The following NRG3 variants were observed in gnomAD, a reference collection of about 807,000 sequenced individuals.
The protein encoded by NRG3 is pro-neuregulin-3, membrane-bound isoform.
NRG3 carries 31 observed loss-of-function variants against 66.9 expected under a neutral mutation model. That is an observed-to-expected ratio of 0.46 (90% CI 0.35 to 0.63). The LOEUF (loss-of-function observed/expected upper bound fraction) is 0.63, where lower values mean the gene tolerates loss of function less well. NRG3 is among the 20% of genes least tolerant of loss of function. The probability of loss-of-function intolerance (pLI) is 0.00; values close to 1 mark genes in which losing one functional copy is unlikely to be tolerated. For synonymous variants in NRG3, 393 were observed against 359.4 expected, an observed-to-expected ratio of 1.09 and a Z score of -1.06; for missense variants, 910 against 878.9, an observed-to-expected ratio of 1.04 and a Z score of -0.45.
At chr10:82,930,834 C>T (rs1007589602) in intron 4 of NRG3, among the ~76,000 whole-genome samples, 3 of 152,152 alleles carry the variant, frequency 2.0e-5, no homozygotes, top group African/African-American at 7.2e-5. Context: ...CTATGGGACT[C>T]GTGGTGGGTG....
intron 4 of NRG3, among the ~76,000 whole-genome samples, chr10:82,947,556 C>T (rs113779723): frequency 1.9e-3 from 290 of 152,198 alleles, no homozygotes; most frequent in African/African-American, 6.8e-3. Flanking sequence ...ATCAGAAGTA[C>T]ATGAGAGTTC....
At chr10:81,958,579 C>G (rs1241341810) in intron 1 of NRG3, among the ~76,000 whole-genome samples, 1 of 152,162 alleles carries the variant, frequency 6.6e-6, no homozygotes, top group South Asian at 2.1e-4. Flanking sequence ...TACTCATATG[C>G]GTAAAGTACA....
chr10:82,832,464 C>A (rs1284418675), intron 3 of NRG3, among the ~76,000 whole-genome samples: 1 of 152,084 alleles, frequency 6.6e-6, no homozygotes, highest in Non-Finnish European at 1.5e-5. Context: ...ATTGGCATAA[C>A]CTTTCAGAAA....
chr10:82,564,950 T>A (rs2045300212), intron 2 of NRG3, among the ~76,000 whole-genome samples: 1 of 152,092 alleles, frequency 6.6e-6, no homozygotes. Flanking sequence ...TGCCAGATTC[T>A]GTATAATACC....
chr10:82,272,689 T>C (rs1010426430), intron 1 of NRG3, among the ~76,000 whole-genome samples: 3 of 152,090 alleles, frequency 2.0e-5, no homozygotes, highest in Non-Finnish European at 4.4e-5. Context: ...GACATATTCA[T>C]GTCATCCTGT....
chr10:82,859,181 T>A (rs1041507629), intron 3 of NRG3: 1 of 152,284 alleles, frequency 6.6e-6, no homozygotes, highest in Non-Finnish European at 1.5e-5. Flanking sequence ...TTTCCTGACC[T>A]CGTGATCCGC....
intron 2 of NRG3, among the ~76,000 whole-genome samples, chr10:82,394,979 C>T (rs577874916): frequency 6.6e-6 from 1 of 152,184 alleles, no homozygotes; most frequent in South Asian, 2.1e-4. Flanking sequence ...CCACAATTTC[C>T]CCACTTTTTG....
chr10:82,134,034 A>T (rs114833298), intron 1 of NRG3, among the ~76,000 whole-genome samples: 9,250 of 151,984 alleles, frequency 0.061, 683 homozygotes, highest in African/African-American at 0.18. Flanking sequence ...TGCTTTTTTC[A>T]TATGCTTGTT....
chr10:82,883,816 A>G (rs1051405352), intron 4 of NRG3, among the ~76,000 whole-genome samples: 2 of 152,144 alleles, frequency 1.3e-5, no homozygotes, highest in Non-Finnish European at 2.9e-5. Flanking sequence ...AATGCATGTC[A>G]TACTTCCAGA....
intron 1 of NRG3, among the ~76,000 whole-genome samples, chr10:81,968,695 T>C (rs770404334): frequency 3.3e-5 from 5 of 152,220 alleles, no homozygotes; most frequent in African/African-American, 9.6e-5. Context: ...TGGGCTTCCA[T>C]TGTTACTCTT....
chr10:82,677,428 C>T (rs1193021293), intron 2 of NRG3, among the ~76,000 whole-genome samples: 2 of 152,108 alleles, frequency 1.3e-5, no homozygotes, highest in African/African-American at 4.8e-5. Flanking sequence ...TCAGACTATG[C>T]ACTTTTTGGT....
intron 1 of NRG3, among the ~76,000 whole-genome samples, chr10:82,348,666 C>G (rs991151186): frequency 2.7e-5 from 4 of 149,762 alleles, no homozygotes; most frequent in African/African-American, 7.4e-5. Context: ...AGAGTGTTTT[C>G]CAACTTGGCT....
rs150012241 is a variant in NRG3, at chr10:81,990,817, G to A, written c.823+114654G>A. Among the ~76,000 whole-genome samples, 33 of 151,972 alleles carry A rather than the reference G, an allele frequency of 2.2e-4. 2 individuals carry two copies. The highest frequency in any genetic ancestry group is 7.2e-4 in the African/African-American group (30 of 41,482). On this transcript the variant is annotated intron_variant, in intron 1 of 8. Transcript: ENST00000372141. ...ACTTAATTGAATTATATTTGTCAAG[G>A]TAACTTTTTCCTCTTAAGAAAAATC...
At chr10:82,246,647 A>C (rs2077256535) in intron 1 of NRG3, among the ~76,000 whole-genome samples, 1 of 152,222 alleles carries the variant, frequency 6.6e-6, no homozygotes, top group African/African-American at 2.4e-5. Flanking sequence ...GAGGGGTTAA[A>C]TATGTCTAAG....
intron 1 of NRG3, among the ~76,000 whole-genome samples, chr10:82,189,232 AAT>A (rs1267034061): frequency 6.6e-6 from 1 of 152,184 alleles, no homozygotes; most frequent in Non-Finnish European, 1.5e-5. Context: ...TCTGTGCCTG[AAT>A]AGTTTTGAAT....
chr10:82,641,008 T>C (rs954253694), intron 2 of NRG3, among the ~76,000 whole-genome samples: 1 of 27,762 alleles, frequency 3.6e-5, no homozygotes, highest in Non-Finnish European at 7.5e-5. Flanking sequence ...TTTCAGTCTG[T>C]CGTTTTTTTT....
chr10:82,813,888 C>T (rs781012334), intron 3 of NRG3, among the ~76,000 whole-genome samples: 6 of 152,082 alleles, frequency 3.9e-5, no homozygotes, highest in African/African-American at 9.7e-5. Context: ...TGACTTGGAA[C>T]GTGTGTACAC....
intron 2 of NRG3, among the ~76,000 whole-genome samples, chr10:82,418,879 A>G (rs760839925): frequency 2.0e-5 from 3 of 152,162 alleles, no homozygotes; most frequent in Non-Finnish European, 2.9e-5. Flanking sequence ...GGATTACAGA[A>G]TACTTAAAAA....
chr10:82,117,774 A>G (rs2067819278), intron 1 of NRG3, among the ~76,000 whole-genome samples: 1 of 152,108 alleles, frequency 6.6e-6, no homozygotes, highest in South Asian at 2.1e-4. Context: ...GCCTAATATT[A>G]ATATACTCTG....
Sources: allele counts gnomAD v4.1 joint callset (sites outside exome capture counted in the v4.1 genomes callset), GRCh38; gene constraint gnomAD v4.1.1; transcripts MANE v1.5; gene names NCBI Gene and HGNC (gene_info 2026-07-23, HGNC 2026-07-21).